TTC23L: variants seen among roughly 807,000 people sequenced by gnomAD.
TTC23L encodes tetratricopeptide repeat domain 23 like, also known as tetratricopeptide repeat protein 23-like.
A neutral mutation model predicts 48.1 loss-of-function variants in TTC23L; 42 were observed. The observed-to-expected ratio is 0.87, with a 90% CI of 0.68 to 1.13. The LOEUF (loss-of-function observed/expected upper bound fraction) is 1.13. TTC23L is among the 50% of genes most tolerant of loss of function. TTC23L has a pLI of 0.00. For synonymous variants in TTC23L, 159 were observed against 157.2 expected, an observed-to-expected ratio of 1.01 and a Z score of -0.09; for missense variants, 391 against 421.0, an observed-to-expected ratio of 0.93 and a Z score of 0.62.
chr5:34,846,535 G>C (rs1404511654), intron 3 of TTC23L, among the ~76,000 whole-genome samples: 1 of 126,208 alleles, frequency 7.9e-6, no homozygotes, highest in Non-Finnish European at 1.6e-5. Flanking sequence ...ACTCCAGCCC[G>C]GGCCGACAAC....
downstream of TTC23L, among the ~76,000 whole-genome samples, chr5:34,900,455 T>G: frequency 6.6e-6 from 1 of 151,036 alleles, no homozygotes; most frequent in East Asian, 2.0e-4. Flanking sequence ...GAGCTGAGAT[T>G]GTGCCACTGC....
chr5:34,914,697 G>T, the TTC23L span: 1 of 1,614,104 alleles, frequency 6.2e-7, no homozygotes, highest in South Asian at 1.1e-5. Flanking sequence ...TTCCATACCT[G>T]AATAAAAGCA....
At chr5:34,880,366 A>AT in intron 9 of TTC23L, 58 bp downstream of exon 9, 3 of 1,513,416 alleles carry the variant, frequency 2.0e-6, no homozygotes, top group South Asian at 1.3e-5. Context: ...TCACAATAGC[A>AT]TTTTTCATCT....
At position 34,868,719 on chromosome 5, in the gene TTC23L, A is replaced by G. The variant is rs1761234610; in HGVS notation, c.841-186A>G. 4 of 558,464 alleles carry G rather than the reference A, an allele frequency of 7.2e-6. No individual in the cohort carries two copies. In the East Asian group the frequency reaches 1.3e-4, roughly 18 times the overall value. The allele number at this position is 558,464 out of a possible 1,614,324, so 34.6% of individuals were successfully genotyped here. ...CCCTGTGCTTTGCATATACCATCTC[A>G]CTTAATCCTTCCCAAACCCTAATCA... On this transcript the variant is annotated intron_variant, in intron 7 of 10. Coordinates refer to ENST00000505624, the Ensembl canonical transcript of TTC23L.
chr5:34,911,710 T>C, the TTC23L span: 1 of 1,614,174 alleles, frequency 6.2e-7, no homozygotes, highest in Non-Finnish European at 8.5e-7. Flanking sequence ...CTCAGGTTCC[T>C]GTGTATTGAT....
At chr5:34,875,602 T>C (rs1453411752) in intron 8 of TTC23L, among the ~76,000 whole-genome samples, 1 of 152,120 alleles carries the variant, frequency 6.6e-6, no homozygotes, top group Non-Finnish European at 1.5e-5. Context: ...CCCAGCCCAC[T>C]GTCTCTAATG....
intron 4 of TTC23L, among the ~76,000 whole-genome samples, chr5:34,856,650 G>T (rs562228917): frequency 2.4e-4 from 37 of 152,296 alleles, no homozygotes; most frequent in Admixed American, 2.4e-3. Context: ...GAAACAGAAA[G>T]ATTTGGAAAA....
chr5:34,852,538 G>C (rs115871155), intron 4 of TTC23L, among the ~76,000 whole-genome samples: 1 of 152,284 alleles, frequency 6.6e-6, no homozygotes, highest in East Asian at 1.9e-4. Flanking sequence ...CAGTTAGGCC[G>C]TTATCCTGCC....
intron 2 of TTC23L, among the ~76,000 whole-genome samples, chr5:34,845,010 GA>G (rs754496480): frequency 7.2e-5 from 11 of 152,108 alleles, no homozygotes; most frequent in Non-Finnish European, 1.3e-4. Flanking sequence ...GCTTGGATCA[GA>G]ATTTTAGAAC....
intron 4 of TTC23L, among the ~76,000 whole-genome samples, chr5:34,855,341 A>G (rs879669121): frequency 6.6e-6 from 1 of 152,214 alleles, no homozygotes; most frequent in Admixed American, 6.5e-5. Flanking sequence ...TTGATAGGCA[A>G]AGAGCACTAG....
At chr5:34,914,079 G>A in the TTC23L span, 1 of 448,838 alleles carries the variant, frequency 2.2e-6, no homozygotes. Context: ...CTGAGATCAT[G>A]CTGTGCACTT....
At chr5:34,859,157 C>G (rs1204109529) in intron 4 of TTC23L, among the ~76,000 whole-genome samples, 1 of 152,166 alleles carries the variant, frequency 6.6e-6, no homozygotes, top group Non-Finnish European at 1.5e-5. Flanking sequence ...CCTGCAGTTT[C>G]ACCTTTCTTC....
the TTC23L span, among the ~76,000 whole-genome samples, chr5:34,917,124 G>A: frequency 5.3e-5 from 8 of 151,966 alleles, no homozygotes; most frequent in African/African-American, 1.9e-4. Context: ...AAAAATGAGA[G>A]GGAACACTCC....
intron 9 of TTC23L, among the ~76,000 whole-genome samples, chr5:34,886,084 G>A (rs1363569639): frequency 2.6e-5 from 4 of 152,070 alleles, no homozygotes; most frequent in Non-Finnish European, 5.9e-5. Context: ...ATGATCTGGG[G>A]CAAGATCCTT....
intron 9 of TTC23L, among the ~76,000 whole-genome samples, chr5:34,881,086 C>A (rs1429772338): frequency 1.3e-5 from 2 of 152,168 alleles, no homozygotes; most frequent in Non-Finnish European, 2.9e-5. Context: ...GAATAATACA[C>A]AGGGCTTAGG....
the TTC23L span, chr5:34,908,726 A>C: frequency 6.7e-7 from 1 of 1,503,540 alleles, no homozygotes; most frequent in African/African-American, 1.4e-5. Flanking sequence ...AACTTCATCT[A>C]TCATAAATGT....
the TTC23L span, chr5:34,916,656 T>C: frequency 6.6e-6 from 1 of 152,252 alleles, no homozygotes; most frequent in East Asian, 1.9e-4. Context: ...GACAGAATAC[T>C]GTGAACAAGG....
the TTC23L span, chr5:34,911,784 G>C: frequency 6.2e-7 from 1 of 1,614,014 alleles, no homozygotes; most frequent in African/African-American, 1.3e-5. Flanking sequence ...CATAACCTTG[G>C]TAACACATTC....
chr5:34,913,666 AAATAC>A, the TTC23L span: 1 of 745,490 alleles, frequency 1.3e-6, no homozygotes, highest in Admixed American at 2.8e-5. Flanking sequence ...TACGTTTAAA[AAATAC>A]AATACTGTGC....
Sources: gnomAD v4.1 joint callset for allele counts (sites outside exome capture counted in the v4.1 genomes callset) on GRCh38, gnomAD v4.1.1 for gene constraint, MANE v1.5 for transcripts, NCBI Gene and HGNC (gene_info 2026-07-23, HGNC 2026-07-21) for gene names.